The following CPED1 variants were observed in gnomAD, a reference collection of about 807,000 sequenced individuals.
The protein encoded by CPED1 is cadherin like and PC-esterase domain containing 1, also known as cadherin-like and PC-esterase domain-containing protein 1.
Under a neutral mutation model 128.2 loss-of-function variants are expected in CPED1, and 114 were observed. The ratio of observed to expected loss-of-function variants is 0.89; its 90% CI spans 0.76 to 1.04. The LOEUF (loss-of-function observed/expected upper bound fraction) is 1.04. CPED1 is among the 50% of genes least tolerant of loss of function. The probability of loss-of-function intolerance (pLI) is 0.00; values close to 1 mark genes in which losing one functional copy is unlikely to be tolerated. For missense variants in CPED1, 1,211 were observed against 1,207.1 expected, an observed-to-expected ratio of 1.00 and a Z score of -0.05; for synonymous variants, 462 against 426.7, an observed-to-expected ratio of 1.08 and a Z score of -1.02.
intron 22 of CPED1, among the ~76,000 whole-genome samples, chr7:121,285,452 CT>C (rs1792546757): frequency 6.6e-6 from 1 of 152,258 alleles, no homozygotes; most frequent in Admixed American, 6.5e-5. Context: ...ATGTGTTTTT[CT>C]TTTCTGTTGC....
At chr7:121,069,065 G>C (rs1793926546) in intron 5 of CPED1, among the ~76,000 whole-genome samples, 1 of 152,032 alleles carries the variant, frequency 6.6e-6, no homozygotes, top group South Asian at 2.1e-4. Flanking sequence ...ACTTTCCTTT[G>C]CTCTGGAGTG....
chr7:121,231,193 A>G (rs943685393), intron 16 of CPED1, among the ~76,000 whole-genome samples: 1 of 152,142 alleles, frequency 6.6e-6, no homozygotes, highest in African/African-American at 2.4e-5. Flanking sequence ...GAGTGTTAAC[A>G]AAAGCAAAAG....
At chr7:121,084,159 C>G (rs753128686) in intron 5 of CPED1, among the ~76,000 whole-genome samples, 2 of 152,122 alleles carry the variant, frequency 1.3e-5, no homozygotes, top group Non-Finnish European at 2.9e-5. Context: ...TATCCTGTTA[C>G]TAACCACTAC....
At position 121,097,806 on chromosome 7, in the gene CPED1, C is replaced by T; in HGVS notation, c.724C>T (p.Pro242Ser). The stretch of plus-strand genomic sequence containing the variant: ...AACAGTGAAGCCACGTGTGTGGAAA[C>T]CAGGGGACTGGAGTCGTGAACAGCT... ...LKTVKPRVWK[P>S]GDWSREQLNE... is the part of the protein sequence containing the mutation. The change falls in exon 6 of 23, where the codon CCA becomes TCA. Residue 242 changes from proline to serine, a missense_variant. Transcript: ENST00000310396. 6.2e-7 allele frequency: 1 copy of T among 1,613,762 alleles called. No homozygotes were observed. The highest frequency in any genetic ancestry group is 8.5e-7 in the Non-Finnish European group (1 of 1,179,752).
chr7:121,099,914 T>C lies in CPED1; in HGVS notation c.750-12T>C. 1.2e-6 allele frequency: 2 copies of C among 1,607,840 alleles called. No homozygotes were observed. Among genetic ancestry groups the C allele is most frequent in the African/African-American group, 2.7e-5 (2 of 74,314 alleles). On this transcript the variant is annotated splice_polypyrimidine_tract_variant and intron_variant, in intron 6 of 22. Transcript: ENST00000310396. The stretch of plus-strand genomic sequence containing the variant: ...ATTATGGAGCGCTAACTATGTTTTT[T>C]TTTTTTTTTAGGAATGAAACGACAG...
chr7:121,029,994 C>T (rs1466930660), intron 3 of CPED1, among the ~76,000 whole-genome samples: 1 of 152,040 alleles, frequency 6.6e-6, no homozygotes, highest in African/African-American at 2.4e-5. Flanking sequence ...CATAGTCTTC[C>T]TGTTTATAAA....
intron 22 of CPED1, among the ~76,000 whole-genome samples, 168 bp from the exon 23 acceptor site, chr7:121,295,272 G>A (rs1450121824): frequency 2.6e-5 from 4 of 152,010 alleles, no homozygotes; most frequent in African/African-American, 9.7e-5. Context: ...TTTAACCTTG[G>A]TCTTTTTCGA....
At chr7:121,178,536 GA>G (rs2116490754) in intron 16 of CPED1, among the ~76,000 whole-genome samples, 1 of 152,068 alleles carries the variant, frequency 6.6e-6, no homozygotes, top group East Asian at 1.9e-4. Context: ...CTTAAACGTG[GA>G]CAAAAAAGTT....
intron 3 of CPED1, among the ~76,000 whole-genome samples, chr7:121,030,495 G>A (rs967920746): frequency 5.3e-5 from 8 of 152,112 alleles, no homozygotes; most frequent in South Asian, 2.1e-4. Flanking sequence ...GACATGAATC[G>A]TCCCTTTGTC....
chr7:121,046,506 T>C (rs62470920), intron 3 of CPED1, among the ~76,000 whole-genome samples: 9,118 of 152,114 alleles, frequency 0.06, 565 homozygotes, highest in African/African-American at 0.15. Context: ...CTTTCTTCTA[T>C]CTTAAAAGAT....
intron 5 of CPED1, among the ~76,000 whole-genome samples, chr7:121,089,730 C>T (rs975340642): frequency 8.5e-5 from 13 of 152,104 alleles, no homozygotes; most frequent in African/African-American, 2.9e-4. Flanking sequence ...GGCTGCCATT[C>T]TATTATCATA....
Position 121,266,694 on chromosome 7 carries a change from T to C in CPED1, c.2532-13T>C. ...TTAGGGCAACATGTGTTGTTTTTCT[T>C]TCTGAATTTCAGATCACGTCCCCTA... On this transcript the variant is annotated splice_polypyrimidine_tract_variant and intron_variant, in intron 19 of 22. Coordinates refer to ENST00000310396, the MANE Select transcript of CPED1 (RefSeq NM_024913.5). 4 of 1,603,392 alleles carry C rather than the reference T, an allele frequency of 2.5e-6. No individual in the cohort carries two copies. Among genetic ancestry groups the C allele is most frequent in the Non-Finnish European group, 2.6e-6 (3 of 1,170,848 alleles).
intron 5 of CPED1, among the ~76,000 whole-genome samples, chr7:121,074,958 G>T (rs1354564149): frequency 1.3e-5 from 2 of 152,062 alleles, no homozygotes; most frequent in Non-Finnish European, 2.9e-5. Context: ...GTTTACCATG[G>T]TCCATATGCT....
intron 2 of CPED1, among the ~76,000 whole-genome samples, chr7:121,002,456 T>A (rs1447846573): frequency 6.6e-6 from 1 of 152,190 alleles, no homozygotes; most frequent in African/African-American, 2.4e-5. Context: ...TCTGTTATTA[T>A]CTTTAAGAAC....
chr7:121,054,139 G>A (rs1252112030), intron 4 of CPED1, among the ~76,000 whole-genome samples: 2 of 152,180 alleles, frequency 1.3e-5, no homozygotes, highest in Non-Finnish European at 2.9e-5. Context: ...GGGTGTCATT[G>A]AGTTTGAGCT....
chr7:121,187,457 T>C (rs1449143311), intron 16 of CPED1, among the ~76,000 whole-genome samples: 1 of 151,424 alleles, frequency 6.6e-6, no homozygotes, highest in Non-Finnish European at 1.5e-5. Flanking sequence ...AGGGAGAGGG[T>C]GATATATGAA....
intron 18 of CPED1, among the ~76,000 whole-genome samples, chr7:121,258,420 T>A (rs566352497): frequency 6.6e-6 from 1 of 152,224 alleles, no homozygotes; most frequent in East Asian, 1.9e-4. Flanking sequence ...CCTGGAAAGA[T>A]CTAGAAAAGT....
chr7:121,217,722 G>A (rs1049998339), intron 16 of CPED1, among the ~76,000 whole-genome samples: 6 of 152,118 alleles, frequency 3.9e-5, no homozygotes, highest in Admixed American at 3.3e-4. Context: ...TCTTCTTAGT[G>A]CACTGGCCTC....
In CPED1 at chr7:121,243,683, CAATCA is replaced by C. The variant is rs1354096400; in HGVS notation, c.2174-511_2174-507del. On this transcript the variant is annotated intron_variant, in intron 17 of 22. Transcript: ENST00000310396. ...AAGACATTCACACGAAAAAGGCCAT[CAATCA>C]AATCAAAGAAAAATAACTAATCTTC... is the stretch of plus-strand genomic sequence containing the variant. Among the ~76,000 whole-genome samples the C allele has an allele frequency of 1.1e-4, 17 of 152,280 alleles. No homozygotes were observed. The East Asian group carries it at 3.1e-3, about 28-fold the overall frequency.
Sources: allele counts gnomAD v4.1 joint callset (sites outside exome capture counted in the v4.1 genomes callset), GRCh38; gene constraint gnomAD v4.1.1; transcripts MANE v1.5; gene names NCBI Gene and HGNC (gene_info 2026-07-23, HGNC 2026-07-21).